Variants in REEP3 observed in about 807,000 individuals in gnomAD.
REEP3 encodes receptor expression-enhancing protein 3.
In REEP3, 20 loss-of-function variants were observed where a neutral mutation model predicts 41.3. The ratio of observed to expected loss-of-function variants is 0.48; its 90% CI spans 0.34 to 0.70. The LOEUF (loss-of-function observed/expected upper bound fraction) is 0.70, where lower values mean the gene tolerates loss of function less well. REEP3 is among the 30% of genes least tolerant of loss of function. The pLI is 0.01. For synonymous variants in REEP3, 104 were observed against 101.8 expected, an observed-to-expected ratio of 1.02 and a Z score of -0.13; for missense variants, 271 against 308.8, an observed-to-expected ratio of 0.88 and a Z score of 0.92.
chr10:63,617,070 C>T (rs1956317571), intron 6 of REEP3, among the ~76,000 whole-genome samples: 1 of 152,048 alleles, frequency 6.6e-6, no homozygotes, highest in Admixed American at 6.6e-5. Flanking sequence ...CCTTCCTTGC[C>T]ACACTGGCCT....
chr10:63,585,803 A>T (rs1204935951), intron 2 of REEP3, among the ~76,000 whole-genome samples: 2 of 152,188 alleles, frequency 1.3e-5, no homozygotes, highest in Non-Finnish European at 2.9e-5. Flanking sequence ...GCTATTATCT[A>T]TGGCTCTTAT....
At chr10:63,567,748 A>G (rs566696718) in intron 2 of REEP3, among the ~76,000 whole-genome samples, 57 of 152,226 alleles carry the variant, frequency 3.7e-4, no homozygotes, top group Admixed American at 2.8e-3. Context: ...TTGTCATCCA[A>G]TTGGTCAAAT....
chr10:63,609,073 CAT>C (rs1044450595), intron 5 of REEP3, among the ~76,000 whole-genome samples: 4 of 152,196 alleles, frequency 2.6e-5, no homozygotes, highest in African/African-American at 9.6e-5. Flanking sequence ...TTGGCTCTTA[CAT>C]GTTTCTAACT....
chr10:63,574,681 T>G lies in REEP3; in HGVS notation c.105+8271T>G, dbSNP rs149102149. 6.0e-4 allele frequency among the ~76,000 whole-genome samples: 91 copies of G among 152,180 alleles called. No individual in the cohort carries two copies. In the East Asian group the frequency reaches 0.017, roughly 28 times the overall value. ...ATCTTGTTGTTTCATTTGTGTGGTGTTCTCTGTGTTCTTACTCTGTATCCA... is the reference window on the plus strand; with the variant it reads ...ATCTTGTTGTTTCATTTGTGTGGTGGTCTCTGTGTTCTTACTCTGTATCCA... On this transcript the variant is annotated intron_variant, in intron 2 of 7. Coordinates refer to ENST00000373758, the MANE Select transcript of REEP3 (RefSeq NM_001001330.3).
chr10:63,523,293 T>C (rs1183501892), intron 1 of REEP3, among the ~76,000 whole-genome samples: 1 of 152,128 alleles, frequency 6.6e-6, no homozygotes, highest in East Asian at 1.9e-4. Context: ...AAGGGATATC[T>C]GGTTGGAGAA....
At position 63,610,250 on chromosome 10, in the gene REEP3, G is replaced by C. The variant is rs753619150; in HGVS notation, c.481G>C (p.Gly161Arg). 4.4e-6 allele frequency: 7 copies of C among 1,601,456 alleles called. No individual in the cohort carries two copies. The South Asian group carries it at 7.9e-5, about 18-fold the overall frequency. ...TATGCATGATTTAACAACTATCCAAGGTGATGAGCCTGTGGGACAAAGACC... is the reference window on the plus strand; with the variant it reads ...TATGCATGATTTAACAACTATCCAACGTGATGAGCCTGTGGGACAAAGACC... ...FSMHDLTTIQ[G>R]DEPVGQRPYQ... Residue 161 changes from glycine (G) to arginine (R), a missense_variant, in exon 6 of 8, where the codon GGT becomes CGT. Transcript: ENST00000373758.
chr10:63,603,429 C>T (rs1388486691), intron 5 of REEP3, among the ~76,000 whole-genome samples: 8 of 151,570 alleles, frequency 5.3e-5, no homozygotes, highest in Admixed American at 3.9e-4. Flanking sequence ...GTGTCTATTT[C>T]ATATATCTAT....
chr10:63,594,859 GT>G lies in REEP3; in HGVS notation c.182+9del. The G allele has an allele frequency of 6.3e-7, 1 of 1,597,362 alleles. No individual in the cohort carries two copies. The highest frequency in any genetic ancestry group is 8.6e-7 in the Non-Finnish European group (1 of 1,164,976). Reference sequence around the variant, plus strand: ...AGCCGATCAAACAGTTGCTTGGTAAGTTTTACTATTGAGAAGGGGCCAGACT... The same window carrying G: ...AGCCGATCAAACAGTTGCTTGGTAAGTTTACTATTGAGAAGGGGCCAGACT... On this transcript the variant is annotated splice_donor_region_variant and intron_variant, in intron 3 of 7. Transcript: ENST00000373758.
intron 5 of REEP3, among the ~76,000 whole-genome samples, chr10:63,602,729 G>A (rs1342281401): frequency 6.6e-6 from 1 of 152,056 alleles, no homozygotes; most frequent in Non-Finnish European, 1.5e-5. Flanking sequence ...TCCCACGTAG[G>A]GCATCAGCAG....
In REEP3 at chr10:63,521,540, G is replaced by C. The variant is rs904199841; in HGVS notation, c.-6G>C. The C allele has an allele frequency of 1.6e-5, 22 of 1,386,510 alleles. No individual in the cohort carries two copies. The highest frequency in any genetic ancestry group is 2.1e-4 in the Middle Eastern group (1 of 4,732). 85.9% of individuals were successfully genotyped at this position (1,386,510 alleles called of 1,614,324 possible). ...CCCCGGACGTGGGGCCCAAGCCCCCGTGAAGATGGTGTCCTGGATGATCTC... is the reference window on the plus strand; with the variant it reads ...CCCCGGACGTGGGGCCCAAGCCCCCCTGAAGATGGTGTCCTGGATGATCTC... On this transcript the variant is annotated 5_prime_UTR_variant, in exon 1 of 8. Coordinates refer to ENST00000373758, the MANE Select transcript of REEP3 (RefSeq NM_001001330.3).
chr10:63,611,530 G>C (rs898346988), intron 6 of REEP3, among the ~76,000 whole-genome samples: 3 of 151,792 alleles, frequency 2.0e-5, no homozygotes, highest in African/African-American at 7.3e-5. Context: ...AATTAGACAC[G>C]GTTCCTTAGT....
chr10:63,590,496 T>C (rs1295157457), intron 2 of REEP3, among the ~76,000 whole-genome samples: 1 of 148,208 alleles, frequency 6.7e-6, no homozygotes, highest in South Asian at 2.2e-4. Flanking sequence ...TGTTGGATAA[T>C]TAAGTTCTCT....
At chr10:63,543,149 TAACA>T (rs1168304112) in intron 1 of REEP3, among the ~76,000 whole-genome samples, 2 of 152,206 alleles carry the variant, frequency 1.3e-5, no homozygotes, top group Admixed American at 6.5e-5. Flanking sequence ...TAATACTGTG[TAACA>T]AACCACCCAA....
At position 63,579,961 on chromosome 10, in the gene REEP3, T is replaced by C. The variant is rs534844956; in HGVS notation, c.105+13551T>C. On this transcript the variant is annotated intron_variant, in intron 2 of 7. Transcript: ENST00000373758. ...TTTGCCTTCCCTTTTTCAGAAAACA[T>C]AGCCTCACTACTTTGAAGAAAATAC... 1.8e-4 allele frequency among the ~76,000 whole-genome samples: 27 copies of C among 152,286 alleles called. No homozygotes were observed. In the South Asian group the frequency reaches 3.3e-3, roughly 19 times the overall value.
intron 5 of REEP3, among the ~76,000 whole-genome samples, chr10:63,603,726 G>A (rs572156837): frequency 9.9e-5 from 15 of 152,072 alleles, no homozygotes; most frequent in South Asian, 2.1e-4. Flanking sequence ...CATGAGTACC[G>A]GAATGTTGGA....
chr10:63,574,960 A>G (rs2133383368), intron 2 of REEP3, among the ~76,000 whole-genome samples: 1 of 146,256 alleles, frequency 6.8e-6, no homozygotes, highest in Non-Finnish European at 1.5e-5. Flanking sequence ...GGATTCAAGC[A>G]ATTCTCCTGC....
At chr10:63,524,259 ATTCT>A (rs1276218807) in intron 1 of REEP3, among the ~76,000 whole-genome samples, 2 of 152,126 alleles carry the variant, frequency 1.3e-5, no homozygotes, top group Non-Finnish European at 2.9e-5. Context: ...AATTTACTTG[ATTCT>A]TTCTAACCCA....
intron 1 of REEP3, among the ~76,000 whole-genome samples, chr10:63,552,354 T>C (rs1955637384): frequency 6.6e-6 from 1 of 152,044 alleles, no homozygotes; most frequent in Admixed American, 6.5e-5. Flanking sequence ...GAGCCTGCAG[T>C]GAGCCGAGAT....
At position 63,562,493 on chromosome 10, in the gene REEP3, G is replaced by A. The variant is rs140700897; in HGVS notation, c.33-3845G>A. 2.6e-3 allele frequency: 1,192 copies of A among 452,912 alleles called. 20 individuals carry two copies. The highest frequency in any genetic ancestry group is 0.022 in the African/African-American group (1,086 of 50,034). 28.1% of individuals were successfully genotyped at this position (452,912 alleles called of 1,614,324 possible). On this transcript the variant is annotated intron_variant, in intron 1 of 7. Transcript: ENST00000373758. ...GCTGGTCTCGAACTCCTGACCTCAG[G>A]TAATCCATCCCCCTCAACCTCCCAA...
Sources: allele counts gnomAD v4.1 joint callset (sites outside exome capture counted in the v4.1 genomes callset), GRCh38; gene constraint gnomAD v4.1.1; transcripts MANE v1.5; gene names NCBI Gene and HGNC (gene_info 2026-07-23, HGNC 2026-07-21).